CRYM: variants seen among roughly 807,000 people sequenced by gnomAD.
CRYM encodes crystallin mu, also known as ketimine reductase mu-crystallin.
In CRYM, 18 loss-of-function variants were observed where a neutral mutation model predicts 32.9. The observed-to-expected ratio is 0.55, with a 90% confidence interval of 0.38 to 0.81. The LOEUF is 0.81. CRYM is among the 30% of genes least tolerant of loss of function. The pLI is 0.00. For synonymous variants in CRYM, 153 were observed against 152.4 expected (o/e 1.00, Z -0.03); for missense variants, 337 against 393.5 (o/e 0.86, Z 1.21).
At chr16:21,272,309 T>A (rs1303106558) in intron 3 of CRYM, among the ~76,000 whole-genome samples, 1 of 152,208 alleles carries the variant, frequency 6.6e-6, no homozygotes. Flanking sequence ...TTCATTTGCA[T>A]TTGCCAAGGC....
At position 21,277,453 on chromosome 16, in the gene CRYM, G is replaced by C. The variant is rs754008913; in HGVS notation, c.302C>G (p.Pro101Arg). Reference protein sequence around the residue: ...SHQATVLLFEPSNGTLLAVMD... With the variant: ...SHQATVLLFERSNGTLLAVMD... Reference sequence around the variant, plus strand: ...CACCGCCAGCAGGGTGCCATTGCTGGGCTCAAAGAGTAGCACAGTAGCCTG... The same window carrying C: ...CACCGCCAGCAGGGTGCCATTGCTGCGCTCAAAGAGTAGCACAGTAGCCTG... Residue 101 changes from proline to arginine, a missense_variant, in exon 2 of 8, where the codon CCC becomes CGC. Transcript: ENST00000572914. This position sits in a 1 kb window ranked among gnomAD's most constrained non-coding sequence, Gnocchi z 4.2. 1.2e-6 allele frequency: 2 copies of C among 1,613,602 alleles called. No individual in the cohort carries two copies. The highest frequency in any genetic ancestry group is 1.1e-5 in the South Asian group (1 of 91,066).
chr16:21,277,679 A>G lies in CRYM; in HGVS notation c.171-95T>C. On this transcript the variant is annotated intron_variant, in intron 1 of 7. Transcript: ENST00000572914. The surrounding 1 kb of genome is among the most constrained non-coding windows in gnomAD (Gnocchi z 4.2). ...TACTTTCCTTTTTCTTTCCTTCCTC[A>G]CCACCCCACTGGCCCTCTTCCAGCC... The G allele has an allele frequency of 7.2e-7, 1 of 1,387,082 alleles. No individual in the cohort carries two copies. The highest frequency in any genetic ancestry group is 1.4e-5 in the African/African-American group (1 of 70,294). 85.9% of individuals were successfully genotyped at this position (1,387,082 alleles called of 1,614,324 possible).
intron 1 of CRYM, among the ~76,000 whole-genome samples, chr16:21,291,742 T>C (rs1960661839): frequency 6.6e-6 from 1 of 152,202 alleles, no homozygotes; most frequent in Admixed American, 6.5e-5. Flanking sequence ...GGTGAACTTT[T>C]CTTTCATTTA....
intron 1 of CRYM, among the ~76,000 whole-genome samples, chr16:21,288,614 T>A (rs2093411210): frequency 6.6e-6 from 1 of 152,128 alleles, no homozygotes; most frequent in Non-Finnish European, 1.5e-5. Flanking sequence ...TCTCTATTTA[T>A]CTCTGTTTTA....
At position 21,258,682 on chromosome 16, in the gene CRYM, G is replaced by A; in HGVS notation, c.*99C>T. The A allele has an allele frequency of 1.0e-6, 1 of 996,390 alleles. No homozygotes were observed. Among genetic ancestry groups the A allele is most frequent in the Non-Finnish European group, 1.6e-6 (1 of 622,540 alleles). The allele number at this position is 996,390 out of a possible 1,614,324, so 61.7% of individuals were successfully genotyped here. On this transcript the variant is annotated 3_prime_UTR_variant, in exon 8 of 8. Transcript: ENST00000572914. ...GTAAAACATGATAAGCACAAAAGGA[G>A]AGTTCACTGGGGACTGGACTCCCTC...
chr16:21,301,595 G>C (rs1231863434), intron 1 of CRYM, among the ~76,000 whole-genome samples: 1 of 152,218 alleles, frequency 6.6e-6, no homozygotes, highest in Non-Finnish European at 1.5e-5. Flanking sequence ...GACTACACTC[G>C]TGGGCGCACG....
chr16:21,302,029 C>CA (rs1173481018), intron 1 of CRYM, among the ~76,000 whole-genome samples: 10 of 152,238 alleles, frequency 6.6e-5, no homozygotes, highest in African/African-American at 2.4e-4. Flanking sequence ...AAACAAAACT[C>CA]ACGCATATAA....
chr16:21,288,546 G>T (rs1175114460), intron 1 of CRYM, among the ~76,000 whole-genome samples: 1 of 151,930 alleles, frequency 6.6e-6, no homozygotes, highest in Non-Finnish European at 1.5e-5. Context: ...AAAGGTCTTT[G>T]ATTTGTGTTG....
At chr16:21,290,943 A>AG (rs1380354646) in intron 1 of CRYM, among the ~76,000 whole-genome samples, 1 of 152,240 alleles carries the variant, frequency 6.6e-6, no homozygotes, top group African/African-American at 2.4e-5. Context: ...ACAGGAAGAC[A>AG]GATGATATGG....
intron 1 of CRYM, among the ~76,000 whole-genome samples, chr16:21,288,218 A>G (rs1355971382): frequency 6.6e-6 from 1 of 152,214 alleles, no homozygotes; most frequent in Non-Finnish European, 1.5e-5. Flanking sequence ...GGTGGAATTC[A>G]CCATTGAAGC....
At chr16:21,279,616 G>A (rs946852177), upstream of CRYM, among the ~76,000 whole-genome samples, 1 of 152,224 alleles carries the variant, frequency 6.6e-6, no homozygotes, top group African/African-American at 2.4e-5. Context: ...CTCCAAGAGA[G>A]TAAGCATTTA....
intron 5 of CRYM, 39 bp downstream of exon 5, chr16:21,267,515 G>T: frequency 6.2e-7 from 1 of 1,605,870 alleles, no homozygotes; most frequent in Non-Finnish European, 8.5e-7. Context: ...GAGGAGCCTG[G>T]CCACCACCCA....
At chr16:21,279,346 C>A (rs1416575988), upstream of CRYM, among the ~76,000 whole-genome samples, 1 of 152,196 alleles carries the variant, frequency 6.6e-6, no homozygotes, top group Non-Finnish European at 1.5e-5. Flanking sequence ...AGCAGAGGAG[C>A]TGGCTTTGCC....
chr16:21,300,878 G>C (rs979874440), intron 1 of CRYM: 1 of 152,300 alleles, frequency 6.6e-6, no homozygotes, highest in Non-Finnish European at 1.5e-5. Context: ...GCCAAGAGGA[G>C]CAAGCATTAT....
rs1217745200 is a variant in CRYM, at chr16:21,277,574, C to T, written c.181G>A (p.Val61Ile). The T allele has an allele frequency of 4.3e-6, 7 of 1,613,794 alleles. No individual in the cohort carries two copies. The highest frequency in any genetic ancestry group is 5.9e-6 in the Non-Finnish European group (7 of 1,179,984). ...PVTKHRGYLG[V>I]MPAYSAAEDA... Reference sequence around the variant, plus strand: ...TCTGCAGCACTGTAGGCGGGCATGACCCCCAGGTAGCTACAAGGAGAGAGG... The same window carrying T: ...TCTGCAGCACTGTAGGCGGGCATGATCCCCAGGTAGCTACAAGGAGAGAGG... Residue 61 changes from valine (V) to isoleucine (I), a missense_variant, in exon 2 of 8, where the codon GTC becomes ATC. Physicochemically the swap from Val to Ile is conservative, Grantham distance 29 (BLOSUM62 3). Coordinates refer to ENST00000572914, the MANE Select transcript of CRYM (RefSeq NM_001376256.1). The surrounding 1 kb of genome is among the most constrained non-coding windows in gnomAD (Gnocchi z 4.2).
rs1171125374 is a variant in CRYM, at chr16:21,291,449, A to G, written c.-193+11529T>C. ...GTGAATCTTGACAATAACTCAAGTT[A>G]TATGTTATCCTCATTTTGAAAAAAC... is the stretch of plus-strand genomic sequence containing the variant. On this transcript the variant is annotated intron_variant, in intron 1 of 9. Transcript: ENST00000219599. 2.0e-5 allele frequency among the ~76,000 whole-genome samples: 3 copies of G among 152,170 alleles called. 1 individual carries two copies. The highest frequency in any genetic ancestry group is 1.3e-4 in the Admixed American group (2 of 15,280).
In CRYM at chr16:21,270,167, C is replaced by T. The variant is rs146026175; in HGVS notation, c.388-276G>A. On this transcript the variant is annotated intron_variant, in intron 3 of 7. Transcript: ENST00000572914. ...TGACCCTACGAGTTGGGGACTCCTA[C>T]TATCTTCTTCTTACAGATGAAGAGA... 1.6e-3 allele frequency among the ~76,000 whole-genome samples: 241 copies of T among 152,328 alleles called. 2 individuals are homozygous for T. Among genetic ancestry groups the T allele is most frequent in the African/African-American group, 5.7e-3 (235 of 41,572 alleles).
intron 1 of CRYM, among the ~76,000 whole-genome samples, chr16:21,284,360 A>G (rs994794777): frequency 6.6e-6 from 1 of 152,058 alleles, no homozygotes; most frequent in Non-Finnish European, 1.5e-5. Context: ...TTTACCCTTC[A>G]AAGTGCACAG....
At chr16:21,279,828 A>T (rs2093395030), upstream of CRYM, among the ~76,000 whole-genome samples, 1 of 152,196 alleles carries the variant, frequency 6.6e-6, no homozygotes, top group East Asian at 1.9e-4. Context: ...CAATGAAATG[A>T]GAAATTGTAC....
Sources: gnomAD v4.1 joint callset for allele counts (sites outside exome capture counted in the v4.1 genomes callset) on GRCh38, gnomAD v4.1.1 for gene constraint, Gnocchi (gnomAD v3.1) non-coding constraint, MANE v1.5 for transcripts, NCBI Gene and HGNC (gene_info 2026-07-23, HGNC 2026-07-21) for gene names.